The following HSPBP1 variants were observed in gnomAD, a reference collection of about 807,000 sequenced individuals.
The protein encoded by HSPBP1 is hsp70-binding protein 1.
A neutral mutation model predicts 41.7 loss-of-function variants in HSPBP1; 31 were observed. That is an observed-to-expected ratio of 0.74 (90% confidence interval 0.56 to 1.00). The LOEUF (loss-of-function observed/expected upper bound fraction) is 1.00, where lower values mean the gene tolerates loss of function less well. Ranked by LOEUF, HSPBP1 falls within the 50% of genes least tolerant of loss-of-function variation. HSPBP1 has a pLI of 0.00. For missense variants in HSPBP1, 439 were observed against 487.9 expected (o/e 0.90, Z 0.94); for synonymous variants, 199 against 214.4 (o/e 0.93, Z 0.63).
intron 7 of HSPBP1, among the ~76,000 whole-genome samples, chr19:55,263,819 C>A (rs781290612): frequency 3.9e-5 from 6 of 152,164 alleles, no homozygotes; most frequent in Non-Finnish European, 8.8e-5. Context: ...AGGAGAGAGA[C>A]TTTTCACTGT....
chr19:55,273,576 A>C (rs374889912), intron 4 of HSPBP1, among the ~76,000 whole-genome samples: 3 of 152,186 alleles, frequency 2.0e-5, no homozygotes, highest in African/African-American at 7.2e-5. Context: ...TGGCATGGAG[A>C]AACTGCCCCA....
chr19:55,266,162 C>T lies in HSPBP1; in HGVS notation c.765G>A (p.Gln255=). The part of the protein sequence containing the change: ...KLKVKSAFLL[Q]NLLVGHPEHK... Reference sequence around the variant, plus strand: ...GTTCAGGGTGGCCCACCAGCAGGTTCTGCAGCAGGAATGCTGATTTGACCT... The same window carrying T: ...GTTCAGGGTGGCCCACCAGCAGGTTTTGCAGCAGGAATGCTGATTTGACCT... Residue 255 remains glutamine (Q), a synonymous_variant, in exon 5 of 8, where the codon CAG becomes CAA. Transcript: ENST00000433386. 1 of 1,596,680 alleles carries T rather than the reference C, an allele frequency of 6.3e-7. No individual in the cohort carries two copies. The highest frequency in any genetic ancestry group is 8.5e-7 in the Non-Finnish European group (1 of 1,171,824).
In HSPBP1 at chr19:55,265,975, C is replaced by T. The variant is rs1311956909; in HGVS notation, c.804G>A (p.Leu268=). ...GCTGCTGGACCATCCCCATGGAGCA[C>T]AGGGTCCCTGGGGGGAGGGCTGCAG... ...LVGHPEHKGT[L]CSMGMVQQLV... Residue 268 remains leucine, a synonymous_variant, in exon 6 of 8, where the codon CTG becomes CTA. Coordinates refer to ENST00000433386, the MANE Select transcript of HSPBP1 (RefSeq NM_012267.5). The T allele has an allele frequency of 3.7e-6, 6 of 1,601,146 alleles. No individual in the cohort carries two copies. The Admixed American group carries it at 6.9e-5, about 18-fold the overall frequency.
In HSPBP1 at chr19:55,270,245, C is replaced by A. The variant is rs1201263204; in HGVS notation, c.641-3959G>T. On this transcript the variant is annotated intron_variant, in intron 4 of 7. Transcript: ENST00000433386. This position sits in a 1 kb window ranked among gnomAD's most constrained non-coding sequence, Gnocchi z 5.4. ...TCGTGCACAACTTTCGCTGGGGAAG[C>A]CGACCACCACGTGGTGAGGCCGCTC... 1.3e-5 allele frequency among the ~76,000 whole-genome samples: 2 copies of A among 152,228 alleles called. No homozygotes were observed. Among genetic ancestry groups the A allele is most frequent in the Non-Finnish European group, 2.9e-5 (2 of 68,046 alleles).
Position 55,262,336 on chromosome 19 carries a change from C to T in HSPBP1, c.*272G>A. ...CCTCCAAAGGAGATGACAAAGGCGG[C>T]AGTGAAGGAGGAGAAGGAGGAAGAG... On this transcript the variant is annotated 3_prime_UTR_variant, in exon 8 of 8. Coordinates refer to ENST00000433386, the MANE Select transcript of HSPBP1 (RefSeq NM_012267.5). 2.4e-6 allele frequency: 3 copies of T among 1,272,060 alleles called. No individual in the cohort carries two copies. Among genetic ancestry groups the T allele is most frequent in the Non-Finnish European group, 3.0e-6 (3 of 999,966 alleles). The allele number at this position is 1,272,060 out of a possible 1,614,324, so 78.8% of individuals were successfully genotyped here. A position where few individuals can be genotyped will look rare whatever the true frequency, so the allele number is the denominator to read the frequency against.
chr19:55,274,363 A>ACC, intron 4 of HSPBP1, 35 bp downstream of exon 4: 1 of 145,474 alleles, frequency 6.9e-6, no homozygotes, highest in Non-Finnish European at 1.1e-5. Flanking sequence ...CCCCACCGCC[A>ACC]GCACCCCTGT....
At chr19:55,263,564 T>G (rs964876186) in intron 7 of HSPBP1, among the ~76,000 whole-genome samples, 5 of 152,196 alleles carry the variant, frequency 3.3e-5, no homozygotes, top group African/African-American at 1.2e-4. Flanking sequence ...ATAGCGAGAG[T>G]GTAGAAACAA....
intron 3 of HSPBP1, among the ~76,000 whole-genome samples, 189 bp from the exon 4 acceptor site, chr19:55,274,811 T>C (rs1235823525): frequency 2.6e-5 from 4 of 151,818 alleles, no homozygotes; most frequent in African/African-American, 9.7e-5. Flanking sequence ...CTGACTGGCG[T>C]CCTGATAAGA....
chr19:55,278,202 C>T (rs946844031), intron 2 of HSPBP1, among the ~76,000 whole-genome samples: 1 of 152,050 alleles, frequency 6.6e-6, no homozygotes, highest in Admixed American at 6.5e-5. Flanking sequence ...GAGCCAAGAT[C>T]AGGCCACTGC....
At chr19:55,279,819 T>G in intron 1 of HSPBP1, 117 bp from the exon 2 acceptor site, 1 of 1,168,990 alleles carries the variant, frequency 8.6e-7, no homozygotes, top group Non-Finnish European at 1.2e-6. Context: ...ACAGGACCCT[T>G]CCCCAAAGTC....
At chr19:55,277,899 A>G in intron 2 of HSPBP1, 53 bp from the exon 3 acceptor site, 4 of 1,390,348 alleles carry the variant, frequency 2.9e-6, no homozygotes, top group Non-Finnish European at 3.8e-6. Context: ...ATTCATTACA[A>G]AGGAACAGCC....
At chr19:55,263,160 T>C (rs748747443) in intron 7 of HSPBP1, among the ~76,000 whole-genome samples, 2 of 152,192 alleles carry the variant, frequency 1.3e-5, no homozygotes, top group Non-Finnish European at 2.9e-5. Context: ...AAAAAAGTCA[T>C]TCGCAAAAAC....
chr19:55,274,353 C>G, intron 4 of HSPBP1, 45 bp downstream of exon 4: 1 of 600,780 alleles, frequency 1.7e-6, no homozygotes, highest in Non-Finnish European at 2.8e-6. Flanking sequence ...CGGCACCCCC[C>G]CCCACCGCCA....
At chr19:55,271,243 C>G (rs535639307) in intron 4 of HSPBP1, among the ~76,000 whole-genome samples, 200 of 151,758 alleles carry the variant, frequency 1.3e-3, no homozygotes, top group African/African-American at 4.5e-3. Flanking sequence ...CAGGGTCTCA[C>G]TCTGTCACCC....
At chr19:55,264,921 C>T (rs2087731948) in intron 7 of HSPBP1, among the ~76,000 whole-genome samples, 1 of 152,078 alleles carries the variant, frequency 6.6e-6, no homozygotes, top group Non-Finnish European at 1.5e-5. Context: ...ACTAGGGTCC[C>T]CACTACCACA....
Position 55,268,291 on chromosome 19 carries a change from G to T in HSPBP1, c.641-2005C>A, listed in dbSNP as rs935036521. Among the ~76,000 whole-genome samples, 3 of 152,056 alleles carry T rather than the reference G, an allele frequency of 2.0e-5. No homozygotes were observed. Among genetic ancestry groups the T allele is most frequent in the Non-Finnish European group, 2.9e-5 (2 of 68,016 alleles). ...ACTAAAAATACAAAATTAGCTGGGC[G>T]TGGTGGCGTGCGTCTGTAATCCCAG... On this transcript the variant is annotated intron_variant, in intron 4 of 7. Coordinates refer to ENST00000433386, the MANE Select transcript of HSPBP1 (RefSeq NM_012267.5). The surrounding 1 kb of genome is among the most constrained non-coding windows in gnomAD (Gnocchi z 4.5).
chr19:55,279,770 G>T, intron 1 of HSPBP1, 68 bp from the exon 2 acceptor site: 8 of 1,507,112 alleles, frequency 5.3e-6, no homozygotes, highest in Non-Finnish European at 7.1e-6. Context: ...TCTGCCCCCA[G>T]CCCACTTAAC....
At chr19:55,274,356 C>CG (rs1555888627) in intron 4 of HSPBP1, 42 bp downstream of exon 4, 3 of 668,468 alleles carry the variant, frequency 4.5e-6, no homozygotes, top group Middle Eastern at 4.3e-4. Context: ...CACCCCCCCC[C>CG]ACCGCCAGCA....
chr19:55,265,805 C>T (rs932729910), intron 6 of HSPBP1, 81 bp downstream of exon 6: 9 of 896,578 alleles, frequency 1.0e-5, no homozygotes, highest in South Asian at 1.6e-5. Context: ...TGAGTCCCTA[C>T]GGGCTGATTC....
Sources: gnomAD v4.1 joint callset for allele counts (sites outside exome capture counted in the v4.1 genomes callset) on GRCh38, gnomAD v4.1.1 for gene constraint, Gnocchi (gnomAD v3.1) non-coding constraint, MANE v1.5 for transcripts, NCBI Gene and HGNC (gene_info 2026-07-23, HGNC 2026-07-21) for gene names.